The following CCR5AS variants were observed in gnomAD, a reference collection of about 807,000 sequenced individuals.
CCR5AS encodes the protein CCR5 antisense RNA.
intron 2 of CCR5AS, chr3:46,373,798 T>C (rs1244306773): frequency 5.0e-6 from 8 of 1,613,864 alleles, no homozygotes; most frequent in Non-Finnish European, 6.8e-6. Context: ...ATCTATGCCT[T>C]TGTCGGGGAG....
chr3:46,380,260 T>C (rs889553874), intron 2 of CCR5AS, among the ~76,000 whole-genome samples: 29 of 152,050 alleles, frequency 1.9e-4, no homozygotes, highest in African/African-American at 7.0e-4. Flanking sequence ...TCTTGGAGCA[T>C]ATAGTTAGAT....
chr3:46,402,262 G>A (rs762080718), intron 1 of CCR5AS, among the ~76,000 whole-genome samples: 15 of 152,138 alleles, frequency 9.9e-5, no homozygotes, highest in Non-Finnish European at 1.8e-4. Context: ...GCCCTCCCAG[G>A]TATCACAGCT....
At chr3:46,373,652 C>G (rs1419730765) in intron 2 of CCR5AS, 9 of 1,614,006 alleles carry the variant, frequency 5.6e-6, no homozygotes, top group African/African-American at 1.3e-5. Flanking sequence ...TCTGGGCTCC[C>G]TACAACATTG....
At chr3:46,373,094 G>T (rs750002181) in intron 2 of CCR5AS, 1 of 1,614,158 alleles carries the variant, frequency 6.2e-7, no homozygotes, top group Admixed American at 1.7e-5. Context: ...TGAAGAGCAT[G>T]ACTGACATCT....
intron 3 of CCR5AS, among the ~76,000 whole-genome samples, chr3:46,369,999 C>A (rs1701640605): frequency 6.6e-6 from 1 of 152,202 alleles, no homozygotes; most frequent in South Asian, 2.1e-4. Context: ...TAGCTCTCTG[C>A]TGTCTTCTCA....
chr3:46,366,892 G>T (rs1701605062), intron 3 of CCR5AS, among the ~76,000 whole-genome samples: 1 of 152,202 alleles, frequency 6.6e-6, no homozygotes. Context: ...GACAGGAAGA[G>T]TGTACTTCTT....
At chr3:46,379,888 C>T (rs2106759679) in intron 2 of CCR5AS, among the ~76,000 whole-genome samples, 1 of 145,854 alleles carries the variant, frequency 6.9e-6, no homozygotes, top group South Asian at 2.2e-4. Context: ...CAGAGTGAGA[C>T]TCTGTCTCAA....
rs570754356 is a variant in CCR5AS at position 46,380,307 on chromosome 3, G to T, written n.392-8890C>A. 4.6e-5 allele frequency among the ~76,000 whole-genome samples: 7 copies of T among 152,264 alleles called. No individual in the cohort carries two copies. In the South Asian group the frequency reaches 1.5e-3, roughly 32 times the overall value. ...GTAAAGAATGTCTGGTGAAGGGGAA[G>T]TAAAAGGTGAGATTTGCATTTCTAA... On this transcript the variant is annotated intron_variant and non_coding_transcript_variant, in intron 2 of 3. Transcript: ENST00000451485.
chr3:46,388,580 A>G (rs1206832260), intron 2 of CCR5AS, among the ~76,000 whole-genome samples: 1 of 152,164 alleles, frequency 6.6e-6, no homozygotes, highest in Admixed American at 6.5e-5. Flanking sequence ...ATGTTGTCAT[A>G]TGCCAGGCCA....
At chr3:46,405,229 G>T (rs1028509520) in intron 1 of CCR5AS, among the ~76,000 whole-genome samples, 1 of 152,116 alleles carries the variant, frequency 6.6e-6, no homozygotes, top group Non-Finnish European at 1.5e-5. Flanking sequence ...GAAAGTGAAG[G>T]TCATGCTAAT....
chr3:46,381,942 A>G (rs1701820901), intron 2 of CCR5AS, among the ~76,000 whole-genome samples: 2 of 152,228 alleles, frequency 1.3e-5, no homozygotes, highest in South Asian at 4.1e-4. Context: ...ACAGGAGCTA[A>G]AAAGAAATTA....
chr3:46,387,890 C>T (rs1440757382), intron 2 of CCR5AS, among the ~76,000 whole-genome samples: 3 of 151,986 alleles, frequency 2.0e-5, no homozygotes, highest in African/African-American at 7.3e-5. Flanking sequence ...GCGGGGGTCA[C>T]AAGGTGCTCA....
At chr3:46,368,149 G>A (rs1701618024) in intron 3 of CCR5AS, among the ~76,000 whole-genome samples, 1 of 152,182 alleles carries the variant, frequency 6.6e-6, no homozygotes, top group African/African-American at 2.4e-5. Context: ...TAGGTGCAGT[G>A]ACTAGACATG....
At chr3:46,389,339 C>T (rs372314506) in intron 2 of CCR5AS, among the ~76,000 whole-genome samples, 107 of 152,166 alleles carry the variant, frequency 7.0e-4, no homozygotes, top group Non-Finnish European at 1.0e-3. Flanking sequence ...GTCGTGCAGA[C>T]GGATGGCAGT....
chr3:46,388,999 A>G (rs142312861), intron 2 of CCR5AS, among the ~76,000 whole-genome samples: 2,167 of 152,272 alleles, frequency 0.014, 58 homozygotes, highest in African/African-American at 0.049. Context: ...CAGTGTAAAC[A>G]GGGGCAGGGC....
At chr3:46,395,251 T>TG (rs2106774733) in intron 1 of CCR5AS, among the ~76,000 whole-genome samples, 1 of 152,204 alleles carries the variant, frequency 6.6e-6, no homozygotes, top group African/African-American at 2.4e-5. Flanking sequence ...CAGGCTGAGT[T>TG]GGATATCCTG....
intron 1 of CCR5AS, among the ~76,000 whole-genome samples, chr3:46,395,730 G>A (rs1701956024): frequency 6.6e-6 from 1 of 151,854 alleles, no homozygotes; most frequent in African/African-American, 2.4e-5. Flanking sequence ...TCTCCTGAGA[G>A]GACAGGACCA....
intron 2 of CCR5AS, chr3:46,373,967 A>G: frequency 6.5e-7 from 1 of 1,546,700 alleles, no homozygotes; most frequent in Non-Finnish European, 8.8e-7. Flanking sequence ...TGTGACACGG[A>G]CTCAAGTGGG....
chr3:46,372,132 C>G (rs183753875), intron 2 of CCR5AS, among the ~76,000 whole-genome samples: 2 of 152,300 alleles, frequency 1.3e-5, no homozygotes, highest in Non-Finnish European at 2.9e-5. Context: ...ATGCTTAGAA[C>G]AGTGATTGGC....
Sources: allele counts gnomAD v4.1 joint callset (sites outside exome capture counted in the v4.1 genomes callset), GRCh38; gene constraint gnomAD v4.1.1; transcripts MANE v1.5; gene names NCBI Gene and HGNC (gene_info 2026-07-23, HGNC 2026-07-21).